Variants in DPYD observed in about 807,000 individuals in gnomAD.
The protein encoded by DPYD is dihydropyrimidine dehydrogenase, also known as dihydropyrimidine dehydrogenase [NADP(+)].
A neutral mutation model predicts 116.2 loss-of-function variants in DPYD; 109 were observed. The ratio of observed to expected loss-of-function variants is 0.94; its 90% CI spans 0.80 to 1.10. DPYD has a LOEUF of 1.10. DPYD is among the 50% of genes least tolerant of loss of function. DPYD has a pLI of 0.00. For missense variants in DPYD, 1,302 were observed against 1,254.5 expected (o/e 1.04, Z -0.57); for synonymous variants, 440 against 432.0 (o/e 1.02, Z -0.23).
intron 16 of DPYD, among the ~76,000 whole-genome samples, chr1:97,342,760 G>A (rs1669646569): frequency 6.6e-6 from 1 of 152,152 alleles, no homozygotes; most frequent in African/African-American, 2.4e-5. Flanking sequence ...TAAGGGTGCT[G>A]TCAGTGGCAT....
At chr1:97,847,955 CAT>C (rs1193865746) in intron 2 of DPYD, among the ~76,000 whole-genome samples, 5 of 152,046 alleles carry the variant, frequency 3.3e-5, no homozygotes, top group South Asian at 2.1e-4. Flanking sequence ...ATGCAAAGCA[CAT>C]GATTGTTTTA....
At chr1:97,802,133 G>A (rs1470108274) in intron 3 of DPYD, among the ~76,000 whole-genome samples, 2 of 151,846 alleles carry the variant, frequency 1.3e-5, no homozygotes, top group Admixed American at 6.6e-5. Flanking sequence ...GTAGAGTCAC[G>A]CTGTTCAGAC....
At chr1:97,135,414 G>A (rs1653709042) in intron 20 of DPYD, among the ~76,000 whole-genome samples, 1 of 152,128 alleles carries the variant, frequency 6.6e-6, no homozygotes. Flanking sequence ...AATTTCTTTA[G>A]TTTCTTGGCT....
At chr1:97,645,262 A>G (rs1571119683) in intron 8 of DPYD, among the ~76,000 whole-genome samples, 1 of 152,074 alleles carries the variant, frequency 6.6e-6, no homozygotes, top group African/African-American at 2.4e-5. Flanking sequence ...ATTGTATAGG[A>G]GTGTCTATTT....
chr1:97,289,790 C>T (rs199842998), intron 18 of DPYD, among the ~76,000 whole-genome samples: 1 of 151,436 alleles, frequency 6.6e-6, no homozygotes, highest in Non-Finnish European at 1.5e-5. Context: ...GACAGTGATG[C>T]CCTCTCTCGC....
intron 20 of DPYD, among the ~76,000 whole-genome samples, chr1:97,161,994 C>A (rs1655945059): frequency 6.6e-6 from 1 of 151,660 alleles, no homozygotes; most frequent in Admixed American, 6.6e-5. Context: ...GGGTTGGTTC[C>A]AAGTCTTTGC....
At chr1:97,257,680 T>C (rs1570773923) in intron 18 of DPYD, among the ~76,000 whole-genome samples, 1 of 151,938 alleles carries the variant, frequency 6.6e-6, no homozygotes. Flanking sequence ...TAAAATTAAT[T>C]TTTATACAAA....
chr1:97,794,385 A>T (rs1194402309), intron 3 of DPYD, among the ~76,000 whole-genome samples: 1 of 152,162 alleles, frequency 6.6e-6, no homozygotes, highest in African/African-American at 2.4e-5. Context: ...CAAAAAAAAT[A>T]AACAAATGTC....
rs140235411 is a variant in DPYD at position 97,089,619 on chromosome 1, C to T, written c.2767-7149G>A. On this transcript the variant is annotated intron_variant, in intron 21 of 22. Transcript: ENST00000370192. Reference sequence around the variant, plus strand: ...CCAGTACTTCTTTTGATACCCTCTTCTTCCTCAGAATCTTTTTCTTTCTGT... The same window carrying T: ...CCAGTACTTCTTTTGATACCCTCTTTTTCCTCAGAATCTTTTTCTTTCTGT... Among the ~76,000 whole-genome samples the T allele has an allele frequency of 1.5e-3, 234 of 152,250 alleles. 1 individual carries two copies. Among genetic ancestry groups the T allele is most frequent in the Middle Eastern group, 0.014 (4 of 294 alleles).
intron 5 of DPYD, among the ~76,000 whole-genome samples, chr1:97,710,240 A>C (rs967335649): frequency 6.6e-6 from 1 of 151,790 alleles, no homozygotes; most frequent in African/African-American, 2.4e-5. Flanking sequence ...TGAATGAAGA[A>C]ATTGCTATTT....
At chr1:97,397,984 T>G (rs907937260) in intron 14 of DPYD, among the ~76,000 whole-genome samples, 1 of 152,072 alleles carries the variant, frequency 6.6e-6, no homozygotes, top group Non-Finnish European at 1.5e-5. Context: ...TTAGGATACA[T>G]GTGCACAATG....
rs192618879 is a variant in DPYD at position 97,343,801 on chromosome 1, T to C, written c.2058+29760A>G. 2.1e-3 allele frequency among the ~76,000 whole-genome samples: 323 copies of C among 152,088 alleles called. 1 individual carries two copies. Among genetic ancestry groups the C allele is most frequent in the African/African-American group, 7.5e-3 (310 of 41,530 alleles). On this transcript the variant is annotated intron_variant, in intron 16 of 22. Transcript: ENST00000370192. ...AAAGAACAAAGTCCCTTTACTACAA[T>C]AAATAGGTAGAAAATAGCTAGTGAG...
intron 13 of DPYD, among the ~76,000 whole-genome samples, chr1:97,502,537 T>A (rs1313415541): frequency 6.6e-6 from 1 of 151,992 alleles, no homozygotes; most frequent in Non-Finnish European, 1.5e-5. Flanking sequence ...GCCATTGAAA[T>A]GTTTTAAGCA....
intron 13 of DPYD, among the ~76,000 whole-genome samples, chr1:97,510,769 T>C (rs1647731441): frequency 1.3e-5 from 2 of 152,018 alleles, no homozygotes; most frequent in Non-Finnish European, 2.9e-5. Flanking sequence ...ATGCTTTGAA[T>C]AAAATACGGA....
intron 18 of DPYD, among the ~76,000 whole-genome samples, chr1:97,270,231 A>G (rs1233805190): frequency 1.3e-5 from 2 of 152,174 alleles, no homozygotes; most frequent in Non-Finnish European, 2.9e-5. Context: ...AAACAACCGG[A>G]GAATGGGTTT....
chr1:97,529,883 C>T (rs1387484931), intron 12 of DPYD, among the ~76,000 whole-genome samples: 1 of 143,714 alleles, frequency 7.0e-6, no homozygotes, highest in Non-Finnish European at 1.5e-5. Context: ...TTCCTCTTTC[C>T]TTCTTTCTCC....
At chr1:97,708,061 A>G (rs1048682401) in intron 5 of DPYD, among the ~76,000 whole-genome samples, 3 of 151,792 alleles carry the variant, frequency 2.0e-5, no homozygotes, top group African/African-American at 4.8e-5. Flanking sequence ...CTGGTCTCAA[A>G]CTCCTGCATT....
At position 97,078,544 on chromosome 1, in the gene DPYD, A is replaced by T. The variant is rs188501488; in HGVS notation, c.*432T>A. On this transcript the variant is annotated 3_prime_UTR_variant, in exon 23 of 23. Transcript: ENST00000370192. ...TTAAAATTAAAGGTAATTTTTAATGATAAAATGTTTCCTTGGATACATTTT... is the reference window on the plus strand; with the variant it reads ...TTAAAATTAAAGGTAATTTTTAATGTTAAAATGTTTCCTTGGATACATTTT... 3.9e-3 allele frequency: 746 copies of T among 191,928 alleles called. No individual in the cohort carries two copies. The highest frequency in any genetic ancestry group is 6.6e-3 in the Non-Finnish European group (602 of 91,258). 11.9% of individuals were successfully genotyped at this position (191,928 alleles called of 1,614,324 possible).
At chr1:97,571,719 C>T (rs957536634) in intron 11 of DPYD, among the ~76,000 whole-genome samples, 1 of 151,658 alleles carries the variant, frequency 6.6e-6, no homozygotes, top group African/African-American at 2.4e-5. Flanking sequence ...CTCTTCTTAC[C>T]CAAATGGACA....
Sources: gnomAD v4.1 joint callset for allele counts (sites outside exome capture counted in the v4.1 genomes callset) on GRCh38, gnomAD v4.1.1 for gene constraint, MANE v1.5 for transcripts, NCBI Gene and HGNC (gene_info 2026-07-23, HGNC 2026-07-21) for gene names.